Variants in MDFIC2 observed in about 807,000 individuals in gnomAD.
The protein encoded by MDFIC2 is MyoD family inhibitor domain containing 2.
chr3:70,245,969 G>C (rs1575605664), intron 2 of MDFIC2, among the ~76,000 whole-genome samples: 2 of 150,592 alleles, frequency 1.3e-5, no homozygotes, highest in South Asian at 4.2e-4. Context: ...TTTTGATATG[G>C]TAGGGAACTG....
intron 2 of MDFIC2, among the ~76,000 whole-genome samples, chr3:70,211,694 C>T (rs1701351562): frequency 7.0e-6 from 1 of 143,282 alleles, no homozygotes; most frequent in South Asian, 2.3e-4. Flanking sequence ...TTTCCCTTCC[C>T]TTCCCTTTGC....
chr3:70,268,823 A>C (rs568855727), intron 2 of MDFIC2, among the ~76,000 whole-genome samples: 1 of 152,182 alleles, frequency 6.6e-6, no homozygotes, highest in Non-Finnish European at 1.5e-5. Context: ...AAAACAAACT[A>C]TTCTTACTAA....
At chr3:70,230,408 T>A (rs1456738707) in intron 2 of MDFIC2, among the ~76,000 whole-genome samples, 1 of 152,172 alleles carries the variant, frequency 6.6e-6, no homozygotes, top group Non-Finnish European at 1.5e-5. Flanking sequence ...AGGGCTGGTG[T>A]CAAACGCTTA....
At chr3:70,197,536 G>T (rs1701194104) in intron 3 of MDFIC2, among the ~76,000 whole-genome samples, 1 of 152,168 alleles carries the variant, frequency 6.6e-6, no homozygotes, top group Non-Finnish European at 1.5e-5. Flanking sequence ...CTGAAAAATT[G>T]CAGGGACTCC....
At chr3:70,240,157 A>G (rs1701652932) in intron 2 of MDFIC2, among the ~76,000 whole-genome samples, 1 of 152,116 alleles carries the variant, frequency 6.6e-6, no homozygotes, top group Non-Finnish European at 1.5e-5. Context: ...GACGTATTTT[A>G]AAGTGTAAAA....
At chr3:70,248,816 T>A in intron 2 of MDFIC2, among the ~76,000 whole-genome samples, 1 of 152,192 alleles carries the variant, frequency 6.6e-6, no homozygotes, top group Non-Finnish European at 1.5e-5. Context: ...TAGGCTACCA[T>A]GTGTGATATG....
intron 2 of MDFIC2, among the ~76,000 whole-genome samples, chr3:70,289,604 C>A (rs1401744125): frequency 6.7e-6 from 1 of 149,768 alleles, no homozygotes; most frequent in Admixed American, 6.7e-5. Flanking sequence ...TGAACGTTGG[C>A]CTGCCTTGCT....
chr3:70,259,163 C>T (rs1465616486), intron 2 of MDFIC2, among the ~76,000 whole-genome samples: 3 of 152,074 alleles, frequency 2.0e-5, no homozygotes, highest in African/African-American at 7.2e-5. Context: ...CATATGTGGT[C>T]CTTTTTCCAG....
intron 2 of MDFIC2, among the ~76,000 whole-genome samples, chr3:70,264,111 T>G (rs964552477): frequency 6.6e-5 from 10 of 152,356 alleles, no homozygotes; most frequent in Middle Eastern, 3.4e-3. Flanking sequence ...AAGGATTACT[T>G]TTTAAATGAT....
At chr3:70,260,597 A>G (rs2106661021) in intron 2 of MDFIC2, among the ~76,000 whole-genome samples, 1 of 152,030 alleles carries the variant, frequency 6.6e-6, no homozygotes, top group Admixed American at 6.6e-5. Flanking sequence ...TTATTTATTA[A>G]TCTTTCCTTT....
At chr3:70,309,991 A>G (rs1702440611) in intron 2 of MDFIC2, among the ~76,000 whole-genome samples, 1 of 152,186 alleles carries the variant, frequency 6.6e-6, no homozygotes, top group African/African-American at 2.4e-5. Flanking sequence ...TGTAGCACAG[A>G]GTAATTAAAG....
intron 3 of MDFIC2, among the ~76,000 whole-genome samples, chr3:70,197,400 C>A (rs1441419696): frequency 3.3e-5 from 5 of 152,176 alleles, no homozygotes; most frequent in African/African-American, 1.2e-4. Context: ...CTGAGCATTT[C>A]CTATTGATTC....
At position 70,194,724 on chromosome 3, in the gene MDFIC2, G is replaced by A. The variant is rs1006927527; in HGVS notation, c.*2202C>T. 6.6e-6 allele frequency among the ~76,000 whole-genome samples: 1 copy of A among 152,142 alleles called. No homozygotes were observed. The highest frequency in any genetic ancestry group is 2.4e-5 in the African/African-American group (1 of 41,428). On this transcript the variant is annotated 3_prime_UTR_variant, in exon 4 of 4. Transcript: ENST00000567252. ...TTCACATTTGAAATGCACAATCTTT[G>A]CATAATTTGAGGGTATGTAGAGTAG...
At chr3:70,217,988 G>A (rs1701430924) in intron 2 of MDFIC2, among the ~76,000 whole-genome samples, 1 of 152,170 alleles carries the variant, frequency 6.6e-6, no homozygotes, top group Non-Finnish European at 1.5e-5. Context: ...TTTTTGGAAG[G>A]ACAAGAAATC....
At chr3:70,249,954 C>T (rs1034897398) in intron 2 of MDFIC2, among the ~76,000 whole-genome samples, 10 of 152,148 alleles carry the variant, frequency 6.6e-5, no homozygotes, top group African/African-American at 2.4e-4. Context: ...TGTTATAGCA[C>T]ATAATTAGAT....
In MDFIC2 at chr3:70,195,315, G is replaced by A. The variant is rs1576150487; in HGVS notation, c.*1611C>T. Among the ~76,000 whole-genome samples, 1 of 152,086 alleles carries A rather than the reference G, an allele frequency of 6.6e-6. No individual in the cohort carries two copies. Among genetic ancestry groups the A allele is most frequent in the African/African-American group, 2.4e-5 (1 of 41,402 alleles). The stretch of plus-strand genomic sequence containing the variant: ...AAAGACTTTTTCATGGAAGGTGTGG[G>A]GCACTTTCATGCTCCGTGGTTTGTG... On this transcript the variant is annotated 3_prime_UTR_variant, in exon 4 of 4. Transcript: ENST00000567252.
intron 2 of MDFIC2, among the ~76,000 whole-genome samples, chr3:70,226,270 G>A (rs934545295): frequency 2.0e-5 from 3 of 152,146 alleles, no homozygotes; most frequent in South Asian, 4.1e-4. Context: ...CTCTGCTTTC[G>A]GAATTTGCTC....
chr3:70,207,000 A>G (rs1701297622), intron 2 of MDFIC2, among the ~76,000 whole-genome samples: 1 of 151,420 alleles, frequency 6.6e-6, no homozygotes, highest in Admixed American at 6.6e-5. Context: ...TGCAAACTTT[A>G]CCTATCATGG....
At chr3:70,277,624 G>T (rs1702040199) in intron 2 of MDFIC2, among the ~76,000 whole-genome samples, 1 of 152,116 alleles carries the variant, frequency 6.6e-6, no homozygotes. Flanking sequence ...ACTGCTACTT[G>T]GTTTTATGGT....
Sources: allele counts gnomAD v4.1 joint callset (sites outside exome capture counted in the v4.1 genomes callset), GRCh38; gene constraint gnomAD v4.1.1; transcripts MANE v1.5; gene names NCBI Gene and HGNC (gene_info 2026-07-23, HGNC 2026-07-21).